RNFT2: variants seen among roughly 807,000 people sequenced by gnomAD.
RNFT2 encodes E3 ubiquitin-protein ligase RNFT2.
A neutral mutation model predicts 53.0 loss-of-function variants in RNFT2; 36 were observed. That is an observed-to-expected ratio of 0.68 (90% CI 0.52 to 0.90). RNFT2 has a LOEUF of 0.90. Among genes scored for constraint, RNFT2 ranks in the 40% least tolerant of loss-of-function variants. RNFT2 has a pLI of 0.00. For missense variants in RNFT2, 514 were observed against 585.6 expected, an observed-to-expected ratio of 0.88 and a Z score of 1.26; for synonymous variants, 260 against 253.2, an observed-to-expected ratio of 1.03 and a Z score of -0.26.
chr12:116,816,463 C>G (rs566409815), intron 7 of RNFT2, among the ~76,000 whole-genome samples: 13 of 152,348 alleles, frequency 8.5e-5, no homozygotes, highest in African/African-American at 3.1e-4. Context: ...CCTCCTCCCC[C>G]TCCTCGCCAG....
At chr12:116,831,051 G>A (rs1018798022) in intron 7 of RNFT2, among the ~76,000 whole-genome samples, 4 of 151,964 alleles carry the variant, frequency 2.6e-5, no homozygotes, top group Non-Finnish European at 5.9e-5. Context: ...TGACATTTTT[G>A]AAGAGTGTTG....
intron 7 of RNFT2, among the ~76,000 whole-genome samples, chr12:116,829,198 T>C (rs537386496): frequency 3.3e-5 from 5 of 152,054 alleles, no homozygotes; most frequent in Non-Finnish European, 7.4e-5. Context: ...CTGCAGATCT[T>C]GGGGTCTGCA....
intron 10 of RNFT2, among the ~76,000 whole-genome samples, chr12:116,836,652 C>T (rs1361925276): frequency 6.6e-6 from 1 of 152,122 alleles, no homozygotes; most frequent in Non-Finnish European, 1.5e-5. Flanking sequence ...TGGCCAGGCA[C>T]AGTGGCTCAC....
intron 7 of RNFT2, among the ~76,000 whole-genome samples, chr12:116,802,211 A>G (rs74680129): frequency 0.039 from 5,941 of 152,280 alleles, 253 homozygotes; most frequent in East Asian, 0.14. Flanking sequence ...TCACATAGTA[A>G]AGGCTCTGAG....
chr12:116,821,333 C>T (rs1876009418), intron 7 of RNFT2, among the ~76,000 whole-genome samples: 1 of 152,114 alleles, frequency 6.6e-6, no homozygotes, highest in Admixed American at 6.6e-5. Context: ...GCTGTGAAGT[C>T]AGTGGTCCAG....
rs34964792 is a variant in RNFT2, at chr12:116,800,863, A to AAAATAAT, written c.882+21515_882+21516insAAATAAT. 2.9e-3 allele frequency among the ~76,000 whole-genome samples: 124 copies of AAAATAAT among 42,658 alleles called. 5 individuals are homozygous for AAAATAAT. The highest frequency in any genetic ancestry group is 5.8e-3 in the African/African-American group (115 of 19,936). The allele number at this position is 42,658 out of a possible 152,430, so 28.0% of individuals were successfully genotyped here. ...TAAAATAAAATAAAATAAAATAAAAACCATTTAACAGATAAAACAGAGGCT... is the reference window on the plus strand; with the variant it reads ...TAAAATAAAATAAAATAAAATAAAAAAAATAATCCATTTAACAGATAAAACAGAGGCT... On this transcript the variant is annotated intron_variant, in intron 7 of 10. Transcript: ENST00000257575.
intron 5 of RNFT2, among the ~76,000 whole-genome samples, chr12:116,762,305 G>A (rs1216965906): frequency 6.6e-6 from 1 of 151,682 alleles, no homozygotes; most frequent in African/African-American, 2.4e-5. Flanking sequence ...GCTTGAACCT[G>A]GGAGGTGGAG....
At chr12:116,832,079 C>T (rs1471654377) in intron 7 of RNFT2, among the ~76,000 whole-genome samples, 2 of 145,162 alleles carry the variant, frequency 1.4e-5, no homozygotes, top group Admixed American at 1.4e-4. Context: ...TGCAGTGAGC[C>T]ATAGTCGCAC....
chr12:116,755,853 T>A, intron 5 of RNFT2: 2 of 1,565,574 alleles, frequency 1.3e-6, no homozygotes, highest in Non-Finnish European at 1.7e-6. Flanking sequence ...GTGCCTCTCC[T>A]CTTTCCCTTT....
At chr12:116,838,339 G>T (rs1186646379) in intron 10 of RNFT2, among the ~76,000 whole-genome samples, 1 of 152,170 alleles carries the variant, frequency 6.6e-6, no homozygotes, top group African/African-American at 2.4e-5. Context: ...ACGTGGTCAG[G>T]GTTCAATAAA....
chr12:116,807,899 G>A (rs371473732), intron 7 of RNFT2, among the ~76,000 whole-genome samples: 2 of 152,066 alleles, frequency 1.3e-5, no homozygotes, highest in East Asian at 3.9e-4. Flanking sequence ...AAACTCCTGG[G>A]CTCAAACGAT....
At chr12:116,750,789 G>A (rs1872155780) in intron 4 of RNFT2, among the ~76,000 whole-genome samples, 1 of 106,118 alleles carries the variant, frequency 9.4e-6, no homozygotes, top group South Asian at 2.9e-4. Context: ...TTTACTATAT[G>A]TGTGTGTGTA....
chr12:116,741,238 TA>T, intron 3 of RNFT2, 144 bp downstream of exon 3: 1 of 670,370 alleles, frequency 1.5e-6, no homozygotes, highest in Non-Finnish European at 2.6e-6. Flanking sequence ...ATTCAACGCA[TA>T]ATAGCTTGCT....
chr12:116,810,924 C>T (rs910719428), intron 7 of RNFT2, among the ~76,000 whole-genome samples: 2 of 152,216 alleles, frequency 1.3e-5, no homozygotes, highest in African/African-American at 4.8e-5. Context: ...AGGGAGCCCA[C>T]TGATAACACG....
intron 7 of RNFT2, among the ~76,000 whole-genome samples, chr12:116,792,821 G>A (rs1306828254): frequency 6.6e-6 from 1 of 152,158 alleles, no homozygotes; most frequent in Admixed American, 6.6e-5. Context: ...TCACGGCACA[G>A]ATGCTCTTTG....
Position 116,760,903 on chromosome 12 carries a change from G to C in RNFT2, c.628-5911G>C, listed in dbSNP as rs538199710. 2.6e-5 allele frequency among the ~76,000 whole-genome samples: 4 copies of C among 152,264 alleles called. No homozygotes were observed. In the East Asian group the frequency reaches 7.7e-4, roughly 29 times the overall value. On this transcript the variant is annotated intron_variant, in intron 5 of 10. Coordinates refer to ENST00000257575, the MANE Select transcript of RNFT2 (RefSeq NM_001382266.1). ...TTTTATTTCATAATTTTTAGAGACA[G>C]AGTCTTGCTCTGTTGTCCAGGCTGC...
chr12:116,743,243 A>C (rs1871722578), intron 3 of RNFT2, among the ~76,000 whole-genome samples: 1 of 80,108 alleles, frequency 1.2e-5, no homozygotes, highest in Non-Finnish European at 2.3e-5. Context: ...AAAAAAAAAA[A>C]ACCGGTTAAA....
chr12:116,752,695 T>A (rs544577265), intron 4 of RNFT2, among the ~76,000 whole-genome samples: 1 of 152,110 alleles, frequency 6.6e-6, no homozygotes, highest in Admixed American at 6.6e-5. Context: ...CTGGCCAACA[T>A]GGTGAAACCC....
At chr12:116,824,199 A>G (rs1876202242) in intron 7 of RNFT2, among the ~76,000 whole-genome samples, 1 of 152,104 alleles carries the variant, frequency 6.6e-6, no homozygotes, top group South Asian at 2.1e-4. Flanking sequence ...AACATTTGTT[A>G]TGTATAGACT....
Sources: gnomAD v4.1 joint callset for allele counts (sites outside exome capture counted in the v4.1 genomes callset) on GRCh38, gnomAD v4.1.1 for gene constraint, MANE v1.5 for transcripts, NCBI Gene and HGNC (gene_info 2026-07-23, HGNC 2026-07-21) for gene names.